The following CXADR variants were observed in gnomAD, a reference collection of about 807,000 sequenced individuals.
The protein encoded by CXADR is coxsackievirus and adenovirus receptor.
A neutral mutation model predicts 40.3 loss-of-function variants in CXADR; 20 were observed. The ratio of observed to expected loss-of-function variants is 0.50; its 90% CI spans 0.35 to 0.72. CXADR has a LOEUF of 0.72. CXADR is among the 30% of genes least tolerant of loss of function. CXADR has a pLI of 0.01. For synonymous variants in CXADR, 150 were observed against 161.3 expected, an observed-to-expected ratio of 0.93 and a Z score of 0.53; for missense variants, 332 against 449.1, an observed-to-expected ratio of 0.74 and a Z score of 2.36.
chr21:17,519,087 A>G (rs1331649117), intron 1 of CXADR: 9 of 863,936 alleles, frequency 1.0e-5, no homozygotes, highest in Non-Finnish European at 1.7e-5. Context: ...TAATCTTTTC[A>G]TTCCTGCGAT....
chr21:17,636,061 A>G, the CXADR span, among the ~76,000 whole-genome samples: 2 of 152,202 alleles, frequency 1.3e-5, no homozygotes, highest in Non-Finnish European at 2.9e-5. Context: ...GCCACTGTAC[A>G]TGGCAAACTT....
chr21:17,514,501 T>G (rs1191735611), intron 1 of CXADR, among the ~76,000 whole-genome samples: 2 of 151,974 alleles, frequency 1.3e-5, no homozygotes, highest in Non-Finnish European at 2.9e-5. Context: ...TTTCTTTCTT[T>G]TTTTTCTTTT....
chr21:17,528,944 A>G (rs1461092334), intron 1 of CXADR, among the ~76,000 whole-genome samples: 1 of 151,438 alleles, frequency 6.6e-6, no homozygotes, highest in Non-Finnish European at 1.5e-5. Context: ...TCTCCGGGGC[A>G]GTTTCTTTGC....
chr21:17,543,651 C>A (rs2060857424), intron 1 of CXADR, among the ~76,000 whole-genome samples: 1 of 152,034 alleles, frequency 6.6e-6, no homozygotes, highest in Non-Finnish European at 1.5e-5. Context: ...TGTTAATAAC[C>A]AAACTAAATT....
At chr21:17,559,654 G>T (rs2061082994) in intron 4 of CXADR, among the ~76,000 whole-genome samples, 1 of 140,812 alleles carries the variant, frequency 7.1e-6, no homozygotes, top group African/African-American at 2.6e-5. Context: ...TAGTTACTTT[G>T]GTACTTTTTT....
intron 1 of CXADR, among the ~76,000 whole-genome samples, chr21:17,539,812 AT>A (rs771950218): frequency 1.3e-5 from 2 of 152,110 alleles, no homozygotes; most frequent in Non-Finnish European, 2.9e-5. Context: ...AATTCCCAAT[AT>A]GTTTAAATCT....
chr21:17,524,041 T>C (rs1295922685), intron 1 of CXADR, among the ~76,000 whole-genome samples: 11 of 134,470 alleles, frequency 8.2e-5, no homozygotes, highest in East Asian at 4.5e-4. Flanking sequence ...TGTGTGTGTG[T>C]GCGTGTGTGT....
intron 1 of CXADR, 110 bp downstream of exon 1, chr21:17,513,282 G>A: frequency 9.2e-7 from 1 of 1,089,410 alleles, no homozygotes. Flanking sequence ...GCGATTTGGG[G>A]GCGCTGCTGC....
the CXADR span, among the ~76,000 whole-genome samples, chr21:17,629,533 C>T: frequency 3.9e-5 from 6 of 152,052 alleles, no homozygotes; most frequent in Non-Finnish European, 8.8e-5. Flanking sequence ...CCACTGCACT[C>T]CAGCCTGGGA....
chr21:17,595,052 T>C (rs2061487662), downstream of CXADR, among the ~76,000 whole-genome samples: 1 of 151,850 alleles, frequency 6.6e-6, no homozygotes, highest in Non-Finnish European at 1.5e-5. Flanking sequence ...AGCACTGGTC[T>C]AATGAACAAT....
intron 1 of CXADR, among the ~76,000 whole-genome samples, chr21:17,539,912 C>T (rs2060805503): frequency 1.3e-5 from 2 of 152,044 alleles, no homozygotes; most frequent in African/African-American, 2.4e-5. Context: ...GCTCTGTATG[C>T]AGTCTGTATT....
intron 1 of CXADR, among the ~76,000 whole-genome samples, chr21:17,514,779 A>AC (rs1260392951): frequency 6.6e-6 from 1 of 151,360 alleles, no homozygotes; most frequent in Non-Finnish European, 1.5e-5. Context: ...GATTACAGGC[A>AC]CCCCCCACCA....
chr21:17,566,581 C>A lies in CXADR; in HGVS notation c.*889C>A. On this transcript the variant is annotated 3_prime_UTR_variant, in exon 7 of 7. Coordinates refer to ENST00000284878, the MANE Select transcript of CXADR (RefSeq NM_001338.5). ...TTTTCTTATTAGAAAAATATTATAA[C>A]TCATTTGTTGTTTGACACTTATAGA... 1 of 981,348 alleles carries A rather than the reference C, an allele frequency of 1.0e-6. No individual in the cohort carries two copies. The highest frequency in any genetic ancestry group is 1.2e-6 in the Non-Finnish European group (1 of 826,348). The allele number at this position is 981,348 out of a possible 1,614,324, so 60.8% of individuals were successfully genotyped here.
intron 1 of CXADR, among the ~76,000 whole-genome samples, chr21:17,524,341 C>T (rs535641442): frequency 6.6e-6 from 1 of 151,640 alleles, no homozygotes; most frequent in South Asian, 2.1e-4. Flanking sequence ...GCAGGCGGAT[C>T]ACCTGAGGTC....
At chr21:17,593,161 C>CCAG in exon 8 of CXADR, 1 of 1,441,150 alleles carries the variant, frequency 6.9e-7, no homozygotes, top group South Asian at 1.6e-5. Context: ...GTTCAAGTAC[C>CCAG]CTTACAAGAC....
intron 6 of CXADR, among the ~76,000 whole-genome samples, chr21:17,563,054 T>C (rs2061145968): frequency 1.3e-5 from 2 of 152,266 alleles, no homozygotes; most frequent in African/African-American, 4.8e-5. Context: ...TTGACTTTAC[T>C]TTAAGAACTT....
chr21:17,544,757 A>C (rs751220159), intron 1 of CXADR, among the ~76,000 whole-genome samples: 24 of 152,276 alleles, frequency 1.6e-4, no homozygotes, highest in Non-Finnish European at 3.2e-4. Context: ...TTTGAATCCC[A>C]ATTTAAATTT....
the CXADR span, among the ~76,000 whole-genome samples, chr21:17,627,496 C>T: frequency 6.6e-6 from 1 of 151,862 alleles, no homozygotes; most frequent in South Asian, 2.1e-4. Context: ...TGTGAGGCTG[C>T]GTGTGGCACC....
intron 1 of CXADR, among the ~76,000 whole-genome samples, chr21:17,534,019 T>TATATAGATATATATATATATATACAC (rs1555864917): frequency 1.2e-5 from 1 of 81,400 alleles, no homozygotes; most frequent in East Asian, 3.8e-4. Flanking sequence ...TATATATATA[T>TATATAGATATATATATATATATACAC]ATATATATAG....
Sources: allele counts gnomAD v4.1 joint callset (sites outside exome capture counted in the v4.1 genomes callset), GRCh38; gene constraint gnomAD v4.1.1; transcripts MANE v1.5; gene names NCBI Gene and HGNC (gene_info 2026-07-23, HGNC 2026-07-21).